Variants in STK31 observed in about 807,000 individuals in gnomAD.
The protein encoded by STK31 is serine/threonine-protein kinase 31.
Under a neutral mutation model 129.7 loss-of-function variants are expected in STK31, and 89 were observed. That is an observed-to-expected ratio of 0.69 (90% CI 0.58 to 0.82). STK31 has a LOEUF of 0.82. Ranked by LOEUF, STK31 falls within the 40% of genes least tolerant of loss-of-function variation. The pLI is 0.00. For missense variants in STK31, 1,187 were observed against 1,176.4 expected (o/e 1.01, Z -0.13); for synonymous variants, 448 against 395.3 (o/e 1.13, Z -1.58).
At chr7:23,747,081 T>A (rs1788401121) in intron 8 of STK31, among the ~76,000 whole-genome samples, 1 of 152,114 alleles carries the variant, frequency 6.6e-6, no homozygotes, top group Non-Finnish European at 1.5e-5. Context: ...TTTTCTAATT[T>A]TTTGGAGGGT....
At chr7:23,812,088 T>C (rs1193154996) in intron 22 of STK31, among the ~76,000 whole-genome samples, 1 of 152,196 alleles carries the variant, frequency 6.6e-6, no homozygotes, top group African/African-American at 2.4e-5. Flanking sequence ...TTATTTTCTT[T>C]TTGTTTGAAG....
intron 1 of STK31, among the ~76,000 whole-genome samples, chr7:23,711,435 A>T (rs1221137195): frequency 7.1e-6 from 1 of 140,196 alleles, no homozygotes; most frequent in African/African-American, 2.9e-5. Context: ...GGGGGAAAAA[A>T]AAAAAAACCC....
intron 22 of STK31, among the ~76,000 whole-genome samples, chr7:23,794,387 C>T (rs938282852): frequency 6.6e-6 from 1 of 152,180 alleles, no homozygotes; most frequent in African/African-American, 2.4e-5. Context: ...TGAGGAATCC[C>T]CAGTCATGCT....
chr7:23,829,770 A>G (rs1043557814), intron 23 of STK31, among the ~76,000 whole-genome samples: 16 of 152,142 alleles, frequency 1.1e-4, no homozygotes, highest in African/African-American at 3.1e-4. Flanking sequence ...GGACTTTTCT[A>G]TGTTGGGAGA....
At position 23,769,528 on chromosome 7, in the gene STK31, G is replaced by T; in HGVS notation, c.1597-112G>T. The T allele has an allele frequency of 9.9e-6, 7 of 707,796 alleles. 1 individual carries two copies. In the South Asian group the frequency reaches 1.6e-4, roughly 17 times the overall value. The allele number at this position is 707,796 out of a possible 1,614,324, so 43.8% of individuals were successfully genotyped here. On this transcript the variant is annotated intron_variant, in intron 12 of 23. Transcript: ENST00000355870. ...GGCACTTTTTTTTCCTGCATTCCTA[G>T]TTCTTTTACATTGCCCAGGGTATAG...
chr7:23,768,368 TTC>T (rs1454325604), intron 11 of STK31, among the ~76,000 whole-genome samples: 3 of 152,246 alleles, frequency 2.0e-5, no homozygotes, highest in Non-Finnish European at 4.4e-5. Flanking sequence ...CACGATGCAT[TTC>T]TTAGAAGATA....
intron 4 of STK31, chr7:23,722,519 G>A (rs1169609916): frequency 6.6e-6 from 1 of 152,604 alleles, no homozygotes; most frequent in Non-Finnish European, 1.5e-5. Context: ...CTCCCAGTTA[G>A]GCTACTCGGG....
rs58066410 is a variant in STK31, at chr7:23,727,556, C to CTTTTTTT, written c.324+259_324+265dup. The CTTTTTTT allele has an allele frequency of 1.1e-3, 158 of 137,426 alleles. 1 individual carries two copies. The highest frequency in any genetic ancestry group is 2.4e-3 in the East Asian group (7 of 2,952). 8.5% of individuals were successfully genotyped at this position (137,426 alleles called of 1,614,324 possible). On this transcript the variant is annotated intron_variant, in intron 5 of 23. Transcript: ENST00000355870. Reference sequence around the variant, plus strand: ...GTGACTAGTTATTTTTACCTCAGTTCTTTTTTTTTTTTTTTTTTTTTTTTG... The same window carrying CTTTTTTT: ...GTGACTAGTTATTTTTACCTCAGTTCTTTTTTTTTTTTTTTTTTTTTTTTTTTTTTTG...
intron 23 of STK31, among the ~76,000 whole-genome samples, chr7:23,827,927 A>G (rs113731919): frequency 0.15 from 22,832 of 152,176 alleles, 1,813 homozygotes; most frequent in East Asian, 0.22. Context: ...TGAACCACAA[A>G]TGCTGCTGCC....
chr7:23,810,307 T>C (rs1378721144), intron 22 of STK31, among the ~76,000 whole-genome samples: 1 of 151,948 alleles, frequency 6.6e-6, no homozygotes. Context: ...AGTAAGTTTC[T>C]TGTAAATAAC....
At chr7:23,768,696 A>C (rs1014687244) in intron 11 of STK31, among the ~76,000 whole-genome samples, 1 of 152,204 alleles carries the variant, frequency 6.6e-6, no homozygotes, top group African/African-American at 2.4e-5. Context: ...GTACTTAATA[A>C]ATTTATACAA....
At chr7:23,814,891 T>A (rs546363402) in intron 22 of STK31, among the ~76,000 whole-genome samples, 15 of 152,276 alleles carry the variant, frequency 9.9e-5, no homozygotes, top group African/African-American at 3.4e-4. Flanking sequence ...CTAACACGTT[T>A]TCTTATAAGG....
Position 23,790,919 on chromosome 7 carries a change from A to G in STK31, c.2733A>G (p.Leu911=), listed in dbSNP as rs1312479951. The G allele has an allele frequency of 1.2e-6, 2 of 1,602,008 alleles. No individual in the cohort carries two copies. Among genetic ancestry groups the G allele is most frequent in the South Asian group, 2.3e-5 (2 of 88,646 alleles). Residue 911 remains leucine, a synonymous_variant, in exon 22 of 24, where the codon TTA becomes TTG. Transcript: ENST00000355870. The part of the protein sequence containing the change: ...MGKPASPGSD[L]YAYGCLLLWL... ...AACCTGCTTCTCCAGGTTCAGACTT[A>G]TATGCTTATGGCTGCCTCTTATTAT...
At chr7:23,804,747 T>C (rs1188209627) in intron 22 of STK31, among the ~76,000 whole-genome samples, 1 of 152,210 alleles carries the variant, frequency 6.6e-6, no homozygotes, top group East Asian at 1.9e-4. Flanking sequence ...ATTTTGTGAA[T>C]CTCTACAATT....
intron 13 of STK31, among the ~76,000 whole-genome samples, chr7:23,770,381 A>G (rs936509535): frequency 9.9e-5 from 15 of 152,116 alleles, no homozygotes; most frequent in African/African-American, 3.6e-4. Flanking sequence ...TTGGCATTAA[A>G]AATACATTAA....
At chr7:23,820,080 C>T (rs1793710921) in intron 23 of STK31, among the ~76,000 whole-genome samples, 1 of 152,140 alleles carries the variant, frequency 6.6e-6, no homozygotes, top group Admixed American at 6.5e-5. Flanking sequence ...GTTCGTATTT[C>T]ACTTGTTTTT....
intron 8 of STK31, among the ~76,000 whole-genome samples, chr7:23,739,504 CT>C (rs1328794750): frequency 3.3e-5 from 5 of 152,062 alleles, no homozygotes; most frequent in Admixed American, 2.0e-4. Flanking sequence ...TATTTTGGCT[CT>C]TGTTCCCATT....
At chr7:23,792,450 T>C (rs1352358331) in intron 22 of STK31, among the ~76,000 whole-genome samples, 2 of 152,116 alleles carry the variant, frequency 1.3e-5, no homozygotes, top group African/African-American at 2.4e-5. Flanking sequence ...AAAGCATTGT[T>C]CAGAGAAACT....
intron 22 of STK31, among the ~76,000 whole-genome samples, chr7:23,799,340 A>G (rs1051663662): frequency 6.6e-6 from 1 of 152,236 alleles, no homozygotes; most frequent in Non-Finnish European, 1.5e-5. Flanking sequence ...ACTTCAAACT[A>G]TAGTACAAGG....
Sources: gnomAD v4.1 joint callset for allele counts (sites outside exome capture counted in the v4.1 genomes callset) on GRCh38, gnomAD v4.1.1 for gene constraint, MANE v1.5 for transcripts, NCBI Gene and HGNC (gene_info 2026-07-23, HGNC 2026-07-21) for gene names.